Variants in LRRK1 observed in about 807,000 individuals in gnomAD.
The protein encoded by LRRK1 is leucine rich repeat kinase 1.
Under a neutral mutation model 209.1 loss-of-function variants are expected in LRRK1, and 113 were observed. The ratio of observed to expected loss-of-function variants is 0.54; its 90% CI spans 0.46 to 0.63. LRRK1 has a LOEUF of 0.63. Ranked by LOEUF, LRRK1 falls within the 30% of genes least tolerant of loss-of-function variation. The pLI, the probability that LRRK1 is intolerant of heterozygous loss-of-function variation, is 0.00. For synonymous variants in LRRK1, 1,144 were observed against 1,099.7 expected (o/e 1.04, Z -0.80); for missense variants, 2,284 against 2,632.2 (o/e 0.87, Z 2.89).
At chr15:101,012,317 G>A (rs1567231638) in intron 10 of LRRK1, among the ~76,000 whole-genome samples, 172 bp downstream of exon 10, 1 of 152,214 alleles carries the variant, frequency 6.6e-6, no homozygotes, top group Non-Finnish European at 1.5e-5. Context: ...CGATGAGGGT[G>A]GCACGTGGAC....
chr15:101,006,476 A>G (rs2032964462), intron 6 of LRRK1, among the ~76,000 whole-genome samples: 1 of 152,218 alleles, frequency 6.6e-6, no homozygotes, highest in Non-Finnish European at 1.5e-5. Context: ...TGTGATTGCA[A>G]TGTCATGCAA....
At chr15:101,067,306 GGTT>G in intron 33 of LRRK1, 1 of 456,240 alleles carries the variant, frequency 2.2e-6, no homozygotes, top group Non-Finnish European at 4.4e-6. Context: ...TGGTCTACAT[GGTT>G]GCAGTGATGT....
chr15:100,927,645 G>A (rs1054243812), intron 2 of LRRK1, among the ~76,000 whole-genome samples: 2 of 152,176 alleles, frequency 1.3e-5, no homozygotes, highest in African/African-American at 4.8e-5. Context: ...GAAGAGGAGA[G>A]GAAGATAGCC....
At chr15:100,934,118 A>G (rs2042254180) in intron 2 of LRRK1, among the ~76,000 whole-genome samples, 1 of 152,214 alleles carries the variant, frequency 6.6e-6, no homozygotes. Context: ...CCAATATTTT[A>G]CAGTGAATTC....
In LRRK1 at chr15:101,010,713, A is replaced by T. The variant is rs547363177; in HGVS notation, c.1157A>T (p.Asp386Val). 99 of 1,611,926 alleles carry T rather than the reference A, an allele frequency of 6.1e-5. No individual in the cohort carries two copies. The highest frequency in any genetic ancestry group is 8.1e-5 in the Non-Finnish European group (96 of 1,179,748). ...WIGLRKLQEL[D>V]ISDNKLTELP... is the part of the protein sequence containing the mutation. ...GGTTTACGGAAGCTACAGGAACTTG[A>T]TATATCTGACAATAAATTGACAGAA... The change falls in exon 9 of 34, where the codon GAT becomes GTT. Residue 386 changes from aspartate to valine, a missense_variant. By Grantham distance (152) the Asp-to-Val change is radical. This residue lies in a region of LRRK1 where 494 missense variants were observed against 522.1 expected (regional missense o/e 0.95). Transcript: ENST00000388948.
Position 101,070,156 on chromosome 15 carries a change from C to T in LRRK1, c.*1308C>T, listed in dbSNP as rs1193297225. 6.6e-6 allele frequency: 1 copy of T among 152,144 alleles called. No homozygotes were observed. The highest frequency in any genetic ancestry group is 1.5e-5 in the Non-Finnish European group (1 of 68,036). 9.4% of individuals were successfully genotyped at this position (152,144 alleles called of 1,614,324 possible). A position where few individuals can be genotyped will look rare whatever the true frequency, so the allele number is the denominator to read the frequency against. ...TGAGCGCTTATGACCACAGCACGGG[C>T]TCAGTCCCTCCCAGACCCACTCGCT... On this transcript the variant is annotated 3_prime_UTR_variant, in exon 34 of 34. Transcript: ENST00000388948.
chr15:101,053,021 G>A lies in LRRK1; in HGVS notation c.3789G>A (p.Gln1263=). ...CCGTCATCTACCGGGCCCGGTACCAGGGCCAGCCTGTGGCCGTCAAGCGCT... is the reference window on the plus strand; with the variant it reads ...CCGTCATCTACCGGGCCCGGTACCAAGGCCAGCCTGTGGCCGTCAAGCGCT... ...SGTVIYRARY[Q]GQPVAVKRFH... is the part of the protein sequence containing the mutation. Residue 1263 remains glutamine, a synonymous_variant, in exon 25 of 34, where the codon CAG becomes CAA. Transcript: ENST00000388948. 2 of 1,613,052 alleles carry A rather than the reference G, an allele frequency of 1.2e-6. No homozygotes were observed. The highest frequency in any genetic ancestry group is 1.7e-6 in the Non-Finnish European group (2 of 1,179,434).
At chr15:100,989,209 A>T (rs57020487) in intron 5 of LRRK1, 41 bp from the exon 6 acceptor site, 181,458 of 1,579,588 alleles carry the variant, frequency 0.11, 11,165 homozygotes, top group African/African-American at 0.18. Context: ...CTGTGACACT[A>T]GCATCTGCAT....
intron 4 of LRRK1, among the ~76,000 whole-genome samples, chr15:100,985,242 G>A (rs1017151669): frequency 3.9e-5 from 6 of 152,118 alleles, no homozygotes; most frequent in African/African-American, 1.4e-4. Flanking sequence ...AGGAGCTTGG[G>A]TGCTCCTGAG....
In LRRK1 at chr15:101,046,130, G is replaced by A. The variant is rs538312065; in HGVS notation, c.3113G>A (p.Ser1038Asn). The A allele has an allele frequency of 3.1e-6, 5 of 1,614,254 alleles. No individual in the cohort carries two copies. Among genetic ancestry groups the A allele is most frequent in the Non-Finnish European group, 4.2e-6 (5 of 1,180,042 alleles). ...AGGTTTATAGCACGGATGCTGATCA[G>A]CCTGGCGGAGATGGACCTGCAGGTA... ...WQRFIARMLI[S>N]LAEMDLQLFE... The change falls in exon 21 of 34, where the codon AGC becomes AAC. Residue 1038 changes from serine to asparagine, a missense_variant. Ser to Asn is a conservative substitution (Grantham distance 46, BLOSUM62 1). Coordinates refer to ENST00000388948, the MANE Select transcript of LRRK1 (RefSeq NM_024652.6).
chr15:100,991,912 C>T (rs1240068320), intron 6 of LRRK1, among the ~76,000 whole-genome samples: 1 of 152,112 alleles, frequency 6.6e-6, no homozygotes, highest in African/African-American at 2.4e-5. Flanking sequence ...TATTAGGAAA[C>T]ATTACTGAAC....
intron 4 of LRRK1, 138 bp from the exon 5 acceptor site, chr15:100,988,496 G>C (rs908541172): frequency 2.5e-6 from 2 of 790,084 alleles, no homozygotes; most frequent in Non-Finnish European, 4.4e-6. Flanking sequence ...TTTTATGGCT[G>C]TATAGTATTC....
Position 101,060,544 on chromosome 15 carries a change from G to A in LRRK1, c.4680-627G>A, listed in dbSNP as rs548628803. 3.0e-4 allele frequency among the ~76,000 whole-genome samples: 46 copies of A among 152,258 alleles called. No individual in the cohort carries two copies. In the South Asian group the frequency reaches 7.5e-3, roughly 25 times the overall value. The stretch of plus-strand genomic sequence containing the variant: ...CTTTATATTGAGAACTGCTATCCGC[G>A]AGCTTAACATATTCTCTTGAGTCTG... On this transcript the variant is annotated intron_variant, in intron 29 of 33. Coordinates refer to ENST00000388948, the MANE Select transcript of LRRK1 (RefSeq NM_024652.6).
At chr15:101,057,563 C>A (rs896456594) in intron 28 of LRRK1, among the ~76,000 whole-genome samples, 1 of 152,158 alleles carries the variant, frequency 6.6e-6, no homozygotes, top group Non-Finnish European at 1.5e-5. Flanking sequence ...GAACGCATGT[C>A]CTTATCTGGG....
intron 4 of LRRK1, among the ~76,000 whole-genome samples, chr15:100,985,646 G>C (rs1409165440): frequency 6.6e-6 from 1 of 152,214 alleles, no homozygotes; most frequent in African/African-American, 2.4e-5. Flanking sequence ...GGAAGGACTT[G>C]GGTTGCCTGC....
At chr15:101,013,712 A>AG (rs2033393961) in intron 10 of LRRK1, among the ~76,000 whole-genome samples, 1 of 152,216 alleles carries the variant, frequency 6.6e-6, no homozygotes, top group Non-Finnish European at 1.5e-5. Context: ...GGTTCCCTGC[A>AG]GGGTCTGTTT....
In LRRK1 at chr15:101,020,994, C is replaced by T. The variant is rs2033757478; in HGVS notation, c.1610-59C>T. On this transcript the variant is annotated intron_variant, in intron 12 of 33. Transcript: ENST00000388948. ...TCAGTTTATACGCCCACCTGGTCACCACGCTGTGACGGTCCAGAATTATTT... is the reference window on the plus strand; with the variant it reads ...TCAGTTTATACGCCCACCTGGTCACTACGCTGTGACGGTCCAGAATTATTT... The T allele has an allele frequency of 2.5e-6, 4 of 1,601,868 alleles. No individual in the cohort carries two copies. The Admixed American group carries it at 5.0e-5, about 20-fold the overall frequency.
intron 10 of LRRK1, among the ~76,000 whole-genome samples, chr15:101,013,535 G>C (rs1179574170): frequency 6.6e-6 from 1 of 152,176 alleles, no homozygotes; most frequent in Non-Finnish European, 1.5e-5. Flanking sequence ...GACTGCTTGA[G>C]GCCAGGAGTT....
chr15:100,949,150 A>T (rs1052466462), intron 2 of LRRK1, among the ~76,000 whole-genome samples: 1 of 152,152 alleles, frequency 6.6e-6, no homozygotes, highest in African/African-American at 2.4e-5. Flanking sequence ...CTTAAAAATA[A>T]AAAGGAGAAG....
Sources: allele counts gnomAD v4.1 joint callset (sites outside exome capture counted in the v4.1 genomes callset), GRCh38; gene constraint gnomAD v4.1.1; regional missense constraint gnomAD v4.1.1; transcripts MANE v1.5; gene names NCBI Gene and HGNC (gene_info 2026-07-23, HGNC 2026-07-21).